CFAP47: variants seen among roughly 807,000 people sequenced by gnomAD.
The protein encoded by CFAP47 is cilia- and flagella-associated protein 47.
Under a neutral mutation model 148.1 loss-of-function variants are expected in CFAP47, and 29 were observed. The ratio of observed to expected loss-of-function variants is 0.20; its 90% CI spans 0.15 to 0.27. The LOEUF is 0.27. Ranked by LOEUF, CFAP47 falls within the 10% of genes least tolerant of loss-of-function variation. The pLI is 1.00. For synonymous variants in CFAP47, 664 were observed against 577.3 expected (o/e 1.15, Z -2.15); for missense variants, 1,872 against 1,697.5 (o/e 1.10, Z -1.81).
In CFAP47 at chrX:36,138,330, ATT is replaced by A. The variant is rs376682738; in HGVS notation, c.5419-6_5419-5del. Reference sequence around the variant, plus strand: ...TTTTATTCCATTACCAAAAGGTTTGATTTTTTTTTTTTTACAGATTGAGTCTC... The same window carrying A: ...TTTTATTCCATTACCAAAAGGTTTGATTTTTTTTTTTACAGATTGAGTCTC... On this transcript the variant is annotated splice_polypyrimidine_tract_variant and intron_variant, in intron 34 of 63. Transcript: ENST00000378653. 1,681 of 863,517 alleles carry A rather than the reference ATT, an allele frequency of 1.9e-3. 15 individuals carry two copies. In the African/African-American group the frequency reaches 0.03, roughly 16 times the overall value. 71.2% of individuals were successfully genotyped at this position (863,517 alleles called of 1,213,427 possible). A position where few individuals can be genotyped will look rare whatever the true frequency, so the allele number is the denominator to read the frequency against.
chrX:36,130,223 A>G (rs921100037), intron 33 of CFAP47, among the ~76,000 whole-genome samples: 5 of 111,543 alleles, frequency 4.5e-5, no homozygotes, highest in African/African-American at 1.6e-4. Flanking sequence ...ACAACTCCAT[A>G]GGAACAAAAA....
intron 29 of CFAP47, among the ~76,000 whole-genome samples, chrX:36,080,763 C>T (rs928185463): frequency 9.0e-6 from 1 of 110,543 alleles, no homozygotes; most frequent in African/African-American, 3.3e-5. Context: ...GGGAACATCA[C>T]ACACCAGGGC....
chrX:36,002,902 G>A (rs1006999195), intron 21 of CFAP47, among the ~76,000 whole-genome samples: 1 of 110,899 alleles, frequency 9.0e-6, no homozygotes, highest in African/African-American at 3.3e-5. Flanking sequence ...CTTTCAGATG[G>A]AAAAAATAAA....
intron 39 of CFAP47, among the ~76,000 whole-genome samples, chrX:36,169,055 C>T (rs1393082751): frequency 9.0e-6 from 1 of 110,845 alleles, no homozygotes; most frequent in Non-Finnish European, 1.9e-5. Context: ...CATTGTACTT[C>T]ATCAACTCGA....
At chrX:36,079,427 G>A (rs924724942) in intron 29 of CFAP47, among the ~76,000 whole-genome samples, 1 of 110,691 alleles carries the variant, frequency 9.0e-6, no homozygotes, top group Non-Finnish European at 1.9e-5. Context: ...TCATTCATTT[G>A]ATCTTCAGTC....
At chrX:36,091,059 A>G (rs1938176553) in intron 30 of CFAP47, among the ~76,000 whole-genome samples, 1 of 112,057 alleles carries the variant, frequency 8.9e-6, no homozygotes, top group African/African-American at 3.2e-5. Context: ...TACTGATAAG[A>G]CATAAAGGTA....
intron 28 of CFAP47, 57 bp from the exon 29 acceptor site, chrX:36,073,082 A>C (rs1362287789): frequency 2.4e-6 from 2 of 822,211 alleles, no homozygotes; most frequent in Admixed American, 4.8e-5. Flanking sequence ...AATAACTGAC[A>C]GAATATTTTA....
At chrX:36,130,035 G>A (rs746474452) in intron 33 of CFAP47, among the ~76,000 whole-genome samples, 29 of 111,423 alleles carry the variant, frequency 2.6e-4, no homozygotes, top group African/African-American at 8.1e-4. Flanking sequence ...ATCACAGTAA[G>A]TTAGCATTTG....
At chrX:35,984,341 C>G (rs1341263853) in intron 15 of CFAP47, among the ~76,000 whole-genome samples, 1 of 111,048 alleles carries the variant, frequency 9.0e-6, no homozygotes, top group Non-Finnish European at 1.9e-5. Context: ...TTTGGATCTT[C>G]TCTTTTTTTC....
intron 8 of CFAP47, among the ~76,000 whole-genome samples, chrX:35,960,543 T>C (rs974345172): frequency 8.1e-5 from 9 of 110,763 alleles, no homozygotes; most frequent in Non-Finnish European, 1.7e-4. Flanking sequence ...CTTTAATACC[T>C]TTTAATAATA....
intron 2 of CFAP47, among the ~76,000 whole-genome samples, chrX:35,927,219 T>C (rs1279960176): frequency 9.0e-6 from 1 of 111,150 alleles, no homozygotes; most frequent in South Asian, 3.8e-4. Context: ...CCTCAATTAT[T>C]TTGTTTCTTT....
chrX:36,082,507 A>G (rs57444383), intron 29 of CFAP47, among the ~76,000 whole-genome samples: 21,521 of 111,060 alleles, frequency 0.19, 2,512 homozygotes, highest in African/African-American at 0.41. Context: ...AACACCGCTG[A>G]GAAGATCTCT....
chrX:35,972,820 T>C (rs1403983746), intron 13 of CFAP47, among the ~76,000 whole-genome samples: 1 of 111,393 alleles, frequency 9.0e-6, no homozygotes, highest in Non-Finnish European at 1.9e-5. Flanking sequence ...TCAATAATGC[T>C]GCTATGAACA....
At chrX:36,293,865 T>G (rs1941215297) in intron 51 of CFAP47, among the ~76,000 whole-genome samples, 1 of 111,424 alleles carries the variant, frequency 9.0e-6, no homozygotes, top group Non-Finnish European at 1.9e-5. Context: ...GCTGATAGTT[T>G]AATGCCCCTG....
intron 2 of CFAP47, among the ~76,000 whole-genome samples, chrX:35,933,998 A>G (rs1935871474): frequency 9.0e-6 from 1 of 111,471 alleles, no homozygotes; most frequent in Non-Finnish European, 1.9e-5. Flanking sequence ...GTAGTTTGCA[A>G]ATATTTTTCC....
chrX:36,239,614 A>G (rs1314159926), intron 48 of CFAP47, among the ~76,000 whole-genome samples: 1 of 112,304 alleles, frequency 8.9e-6, no homozygotes, highest in Non-Finnish European at 1.9e-5. Context: ...TTTGTCAAAA[A>G]TATTTAGCAG....
At chrX:36,335,413 C>T (rs1032312260) in intron 57 of CFAP47, among the ~76,000 whole-genome samples, 1 of 111,376 alleles carries the variant, frequency 9.0e-6, no homozygotes, top group Non-Finnish European at 1.9e-5. Flanking sequence ...CTAACAAATA[C>T]CCCCCGCCTC....
intron 45 of CFAP47, among the ~76,000 whole-genome samples, chrX:36,222,824 C>T (rs371714320): frequency 1.8e-5 from 2 of 110,891 alleles, no homozygotes; most frequent in East Asian, 5.7e-4. Context: ...AATAATATAA[C>T]CAAAATGGGA....
chrX:36,100,793 C>A (rs764336271), intron 32 of CFAP47, among the ~76,000 whole-genome samples: 1 of 112,154 alleles, frequency 8.9e-6, no homozygotes, highest in South Asian at 3.7e-4. Context: ...CAACTGAAAT[C>A]ATCAATTTAG....
Sources: gnomAD v4.1 joint callset for allele counts (sites outside exome capture counted in the v4.1 genomes callset) on GRCh38, gnomAD v4.1.1 for gene constraint, MANE v1.5 for transcripts, NCBI Gene and HGNC (gene_info 2026-07-23, HGNC 2026-07-21) for gene names.